The following SLIT2 variants were observed in gnomAD, a reference collection of about 807,000 sequenced individuals.
The protein encoded by SLIT2 is slit homolog 2 protein.
In SLIT2, 41 loss-of-function variants were observed where a neutral mutation model predicts 185.7. The ratio of observed to expected loss-of-function variants is 0.22; its 90% confidence interval spans 0.17 to 0.29. The LOEUF (loss-of-function observed/expected upper bound fraction) is 0.29. Ranked by LOEUF, SLIT2 falls within the 10% of genes least tolerant of loss-of-function variation. The probability of loss-of-function intolerance (pLI) is 1.00; values close to 1 mark genes in which losing one functional copy is unlikely to be tolerated. For missense variants in SLIT2, 1,571 were observed against 1,909.0 expected, an observed-to-expected ratio of 0.82 and a Z score of 3.30; for synonymous variants, 693 against 680.2, an observed-to-expected ratio of 1.02 and a Z score of -0.29.
At chr4:20,358,698 G>A (rs1201981109) in intron 4 of SLIT2, among the ~76,000 whole-genome samples, 1 of 151,860 alleles carries the variant, frequency 6.6e-6, no homozygotes, top group Non-Finnish European at 1.5e-5. Context: ...TTAAACTCAG[G>A]GTTGTCTTAA....
intron 11 of SLIT2, among the ~76,000 whole-genome samples, chr4:20,518,269 T>TTGAGACAGAG (rs1720440319): frequency 7.2e-6 from 1 of 138,694 alleles, no homozygotes; most frequent in Non-Finnish European, 1.5e-5. Context: ...TTTTTTTTTT[T>TTGAGACAGAG]TGAGACAGAG....
intron 28 of SLIT2, among the ~76,000 whole-genome samples, chr4:20,568,594 A>C (rs1181522973): frequency 6.6e-6 from 1 of 152,076 alleles, no homozygotes. Context: ...ACCTGCAAAT[A>C]CAGTGGGTTT....
At chr4:20,449,633 T>C (rs1369172520) in intron 4 of SLIT2, among the ~76,000 whole-genome samples, 1 of 152,012 alleles carries the variant, frequency 6.6e-6, no homozygotes, top group Non-Finnish European at 1.5e-5. Context: ...GGTCTCAAAC[T>C]CCTGACCTCG....
At chr4:20,261,072 T>C (rs1274533324) in intron 3 of SLIT2, among the ~76,000 whole-genome samples, 1 of 151,806 alleles carries the variant, frequency 6.6e-6, no homozygotes, top group Admixed American at 6.6e-5. Flanking sequence ...TTATTTTCTG[T>C]TTTGACAGTT....
At chr4:20,572,505 A>G (rs2148921575) in intron 29 of SLIT2, among the ~76,000 whole-genome samples, 1 of 152,310 alleles carries the variant, frequency 6.6e-6, no homozygotes, top group East Asian at 1.9e-4. Context: ...TCTAAAGACA[A>G]GACATTTCTT....
chr4:20,483,778 C>G (rs1021218246), intron 6 of SLIT2, among the ~76,000 whole-genome samples: 1 of 151,880 alleles, frequency 6.6e-6, no homozygotes, highest in Non-Finnish European at 1.5e-5. Context: ...AAGTTGAGCA[C>G]AGAAATAGAC....
At chr4:20,349,231 C>T (rs898603155) in intron 4 of SLIT2, among the ~76,000 whole-genome samples, 3 of 152,138 alleles carry the variant, frequency 2.0e-5, no homozygotes, top group Admixed American at 6.5e-5. Context: ...CAGTTAGTTC[C>T]AAATGATGTA....
chr4:20,526,495 T>C (rs1721309746), intron 15 of SLIT2, among the ~76,000 whole-genome samples: 1 of 152,152 alleles, frequency 6.6e-6, no homozygotes, highest in South Asian at 2.1e-4. Context: ...ATTAATATGA[T>C]TTAAATCCTA....
chr4:20,376,790 G>C (rs1477814673), intron 4 of SLIT2, among the ~76,000 whole-genome samples: 2 of 152,064 alleles, frequency 1.3e-5, no homozygotes, highest in Non-Finnish European at 2.9e-5. Flanking sequence ...ACCAAACACT[G>C]CATGTTCTCA....
chr4:20,466,395 G>A (rs184930383), intron 4 of SLIT2, among the ~76,000 whole-genome samples: 1 of 152,226 alleles, frequency 6.6e-6, no homozygotes, highest in Non-Finnish European at 1.5e-5. Context: ...GTGGAAGGCT[G>A]CCTTAACTCC....
At chr4:20,365,390 A>G (rs760558598) in intron 4 of SLIT2, among the ~76,000 whole-genome samples, 5 of 152,144 alleles carry the variant, frequency 3.3e-5, no homozygotes, top group East Asian at 1.9e-4. Flanking sequence ...CATCTTTACT[A>G]TGTGAACGTT....
At chr4:20,264,891 T>A (rs545112231) in intron 3 of SLIT2, among the ~76,000 whole-genome samples, 1 of 152,038 alleles carries the variant, frequency 6.6e-6, no homozygotes, top group Non-Finnish European at 1.5e-5. Context: ...GTGGGCAGAT[T>A]CCATTGAGGG....
chr4:20,256,862 GCTTTC>G, intron 2 of SLIT2, 119 bp downstream of exon 2: 1 of 532,112 alleles, frequency 1.9e-6, no homozygotes, highest in Non-Finnish European at 3.3e-6. Flanking sequence ...AAAAGGTCAT[GCTTTC>G]CTTTTTTCTG....
intron 4 of SLIT2, among the ~76,000 whole-genome samples, chr4:20,368,867 A>G (rs1723344676): frequency 6.6e-6 from 1 of 152,132 alleles, no homozygotes; most frequent in Non-Finnish European, 1.5e-5. Flanking sequence ...TTCTCTCCTG[A>G]AACCCTGGGG....
chr4:20,430,062 A>G (rs943305560), intron 4 of SLIT2, among the ~76,000 whole-genome samples: 4 of 152,234 alleles, frequency 2.6e-5, no homozygotes, highest in African/African-American at 9.6e-5. Context: ...AGAACATAAG[A>G]TGTTGGCTGT....
intron 4 of SLIT2, among the ~76,000 whole-genome samples, chr4:20,350,549 T>G (rs193085530): frequency 6.6e-6 from 1 of 152,302 alleles, no homozygotes; most frequent in East Asian, 1.9e-4. Context: ...GAATAATATG[T>G]AAGTCTCTTC....
At chr4:20,570,071 G>A (rs1298415624) in intron 29 of SLIT2, among the ~76,000 whole-genome samples, 3 of 152,036 alleles carry the variant, frequency 2.0e-5, no homozygotes, top group Non-Finnish European at 4.4e-5. Flanking sequence ...AGAATAATGA[G>A]GCTCGGTTTT....
At chr4:20,271,909 TAAAAG>T (rs1713655911) in intron 4 of SLIT2, among the ~76,000 whole-genome samples, 1 of 152,056 alleles carries the variant, frequency 6.6e-6, no homozygotes, top group East Asian at 1.9e-4. Flanking sequence ...AAATGCAATA[TAAAAG>T]AAAAGGAGGG....
At chr4:20,286,829 G>A (rs1218378675) in intron 4 of SLIT2, among the ~76,000 whole-genome samples, 2 of 152,008 alleles carry the variant, frequency 1.3e-5, no homozygotes, top group African/African-American at 2.4e-5. Context: ...CTAAGATCAC[G>A]TCCCTTGCCC....
Sources: allele counts gnomAD v4.1 joint callset (sites outside exome capture counted in the v4.1 genomes callset), GRCh38; gene constraint gnomAD v4.1.1; transcripts MANE v1.5; gene names NCBI Gene and HGNC (gene_info 2026-07-23, HGNC 2026-07-21).